CCNH: variants seen among roughly 807,000 people sequenced by gnomAD.
CCNH encodes the protein cyclin H, also known as cyclin-H.
Under a neutral mutation model 41.9 loss-of-function variants are expected in CCNH, and 31 were observed. The observed-to-expected ratio is 0.74, with a 90% confidence interval of 0.56 to 1.00. The LOEUF (loss-of-function observed/expected upper bound fraction) is 1.00. Among genes scored for constraint, CCNH ranks in the 50% least tolerant of loss-of-function variants. CCNH has a pLI of 0.00. For synonymous variants in CCNH, 138 were observed against 136.1 expected (o/e 1.01, Z -0.10); for missense variants, 362 against 388.4 (o/e 0.93, Z 0.57).
At chr5:87,410,442 A>G (rs1764144921) in intron 2 of CCNH, among the ~76,000 whole-genome samples, 1 of 151,842 alleles carries the variant, frequency 6.6e-6, no homozygotes, top group African/African-American at 2.4e-5. Flanking sequence ...TAATATTTTC[A>G]ACATACTTCA....
chr5:87,386,116 T>C (rs1017852323), intron 9 of CCNH, among the ~76,000 whole-genome samples: 1 of 152,200 alleles, frequency 6.6e-6, no homozygotes, highest in East Asian at 1.9e-4. Context: ...TACTTTTTTC[T>C]TTTTTGCCAA....
intron 9 of CCNH, among the ~76,000 whole-genome samples, chr5:87,355,856 G>T (rs1172477945): frequency 6.6e-6 from 1 of 152,142 alleles, no homozygotes; most frequent in East Asian, 1.9e-4. Context: ...AACTTTGAGG[G>T]GCTCAAGACT....
chr5:87,412,399 G>A, intron 1 of CCNH: 1 of 1,192,572 alleles, frequency 8.4e-7, no homozygotes, highest in Non-Finnish European at 1.1e-6. Context: ...ACAAGTGAAC[G>A]GCTCTTGCCA....
chr5:87,407,946 T>G, intron 4 of CCNH, 30 bp downstream of exon 4: 6 of 1,436,328 alleles, frequency 4.2e-6, no homozygotes, highest in Non-Finnish European at 5.9e-6. Flanking sequence ...AAGGAGAATG[T>G]AGTATTAGTT....
intron 9 of CCNH, among the ~76,000 whole-genome samples, chr5:87,329,281 C>CAAAAAAAAAAAAAAA (rs571157213): frequency 6.1e-4 from 73 of 119,114 alleles, no homozygotes; most frequent in East Asian, 3.3e-3. Flanking sequence ...TCTGTCTCTC[C>CAAAAAAAAAAAAAAA]AAAAAAAAAA....
At chr5:87,323,039 GTTAGA>G (rs1370339024) in intron 9 of CCNH, among the ~76,000 whole-genome samples, 3 of 152,268 alleles carry the variant, frequency 2.0e-5, no homozygotes, top group Middle Eastern at 6.8e-3. Flanking sequence ...TAGGAAGGAA[GTTAGA>G]TTTAGAGAGG....
intron 5 of CCNH, among the ~76,000 whole-genome samples, chr5:87,402,467 A>G (rs1763486621): frequency 6.6e-6 from 1 of 152,204 alleles, no homozygotes; most frequent in Non-Finnish European, 1.5e-5. Flanking sequence ...AACTTGACCT[A>G]TGATTGATAA....
chr5:87,377,280 G>C, upstream of CCNH: 1 of 525,028 alleles, frequency 1.9e-6, no homozygotes, highest in East Asian at 3.5e-5. Flanking sequence ...CAAGAAGGTG[G>C]TATCTGTGTC....
intron 9 of CCNH, among the ~76,000 whole-genome samples, chr5:87,321,176 A>G (rs1011054786): frequency 6.6e-6 from 1 of 152,206 alleles, no homozygotes; most frequent in Non-Finnish European, 1.5e-5. Flanking sequence ...GGTGCAGTAT[A>G]CAAGTTGGCA....
chr5:87,408,634 C>A (rs1373549292), intron 3 of CCNH, among the ~76,000 whole-genome samples: 1 of 152,186 alleles, frequency 6.6e-6, no homozygotes, highest in African/African-American at 2.4e-5. Context: ...CTAAGGGCAT[C>A]TGAATAAGGG....
chr5:87,372,120 T>G, downstream of CCNH: 1 of 1,613,110 alleles, frequency 6.2e-7, no homozygotes. Context: ...CTTTGCAGGA[T>G]TGGATGAAAG....
At chr5:87,380,230 T>G (rs557947625), upstream of CCNH, among the ~76,000 whole-genome samples, 10 of 152,184 alleles carry the variant, frequency 6.6e-5, no homozygotes, top group Non-Finnish European at 1.5e-4. Flanking sequence ...GAAGTTAACT[T>G]AAGTCTAAAT....
Position 87,344,473 on chromosome 5 carries a change from C to A in CCNH, c.*91-25576G>T, listed in dbSNP as rs72783707. On this transcript the variant is annotated intron_variant and NMD_transcript_variant, in intron 9 of 9. Transcript: ENST00000645953. ...TCCTAGCACTTATCATCTGTAGTTTCCTAATCTCCAGCATGTAGGTCTTCA... is the reference window on the plus strand; with the variant it reads ...TCCTAGCACTTATCATCTGTAGTTTACTAATCTCCAGCATGTAGGTCTTCA... Among the ~76,000 whole-genome samples, 1,423 of 152,136 alleles carry A rather than the reference C, an allele frequency of 9.4e-3. 8 individuals carry two copies. Among genetic ancestry groups the A allele is most frequent in the Admixed American group, 0.012 (187 of 15,270 alleles).
upstream of CCNH, chr5:87,379,650 G>A (rs149101456): frequency 6.8e-5 from 104 of 1,533,286 alleles, 1 homozygote; most frequent in South Asian, 7.0e-4. Context: ...AGACAACCTC[G>A]AAAACTATAA....
At chr5:87,341,231 T>G (rs565417630) in intron 9 of CCNH, 2 of 1,019,340 alleles carry the variant, frequency 2.0e-6, no homozygotes, top group Admixed American at 4.1e-5. Flanking sequence ...TCATGAATTT[T>G]AATAAAAATT....
upstream of CCNH, among the ~76,000 whole-genome samples, chr5:87,381,595 G>A (rs1037297812): frequency 6.6e-6 from 1 of 152,044 alleles, no homozygotes; most frequent in Non-Finnish European, 1.5e-5. Flanking sequence ...TTTTTGGGGG[G>A]CAGGTAATAT....
chr5:87,316,618 G>C (rs1177827732), downstream of CCNH, among the ~76,000 whole-genome samples: 1 of 152,124 alleles, frequency 6.6e-6, no homozygotes, highest in African/African-American at 2.4e-5. Context: ...AGAACATGGA[G>C]AGTGGGAGTA....
exon 1 of CCNH, chr5:87,376,796 G>A: frequency 1.4e-6 from 2 of 1,388,038 alleles, no homozygotes; most frequent in South Asian, 1.2e-5. Flanking sequence ...ATAAGAACTT[G>A]TGAAAGAACA....
intron 9 of CCNH, among the ~76,000 whole-genome samples, chr5:87,350,591 G>A (rs1190322940): frequency 6.6e-6 from 1 of 151,432 alleles, no homozygotes; most frequent in East Asian, 1.9e-4. Flanking sequence ...CATACTGGAG[G>A]AAGTCGGTAA....
Sources: allele counts gnomAD v4.1 joint callset (sites outside exome capture counted in the v4.1 genomes callset), GRCh38; gene constraint gnomAD v4.1.1; transcripts MANE v1.5; gene names NCBI Gene and HGNC (gene_info 2026-07-23, HGNC 2026-07-21).